Variants in TMEM63C observed in about 807,000 individuals in gnomAD.
TMEM63C encodes the protein osmosensitive cation channel TMEM63C.
A neutral mutation model predicts 99.2 loss-of-function variants in TMEM63C; 32 were observed. The observed-to-expected ratio is 0.32, with a 90% confidence interval of 0.24 to 0.43. The LOEUF (loss-of-function observed/expected upper bound fraction) is 0.43, where lower values mean the gene tolerates loss of function less well. TMEM63C is among the 20% of genes least tolerant of loss of function. The pLI, the probability that TMEM63C is intolerant of heterozygous loss-of-function variation, is 1.00. For synonymous variants in TMEM63C, 376 were observed against 397.9 expected (o/e 0.94, Z 0.66); for missense variants, 826 against 1,053.0 (o/e 0.78, Z 2.98).
At chr14:77,202,305 C>CACACACACACACACACACAA (rs1283633748) in intron 1 of TMEM63C, among the ~76,000 whole-genome samples, 4 of 151,932 alleles carry the variant, frequency 2.6e-5, no homozygotes, top group African/African-American at 9.7e-5. Context: ...CACACACACA[C>CACACACACACACACACACAA]ACACACAAAC....
intron 4 of TMEM63C, 23 bp from the exon 5 acceptor site, chr14:77,219,983 C>T: frequency 1.3e-6 from 2 of 1,552,378 alleles, no homozygotes; most frequent in South Asian, 2.4e-5. Context: ...TTCTTACCTC[C>T]CTGCCCCTTC....
intron 9 of TMEM63C, among the ~76,000 whole-genome samples, chr14:77,237,121 C>T (rs1889076434): frequency 6.6e-6 from 1 of 152,078 alleles, no homozygotes; most frequent in Non-Finnish European, 1.5e-5. Context: ...ACCTCCTATC[C>T]CTGCCCCTCT....
chr14:77,201,254 C>A (rs930942741), intron 1 of TMEM63C: 1 of 152,220 alleles, frequency 6.6e-6, no homozygotes. Context: ...GCTATGCGGT[C>A]TTGTTATGGT....
rs374004730 is a variant in TMEM63C, at chr14:77,244,334, C to T, written c.1342-15C>T. 3.8e-6 allele frequency: 6 copies of T among 1,598,810 alleles called. No individual in the cohort carries two copies. The highest frequency in any genetic ancestry group is 5.1e-6 in the Non-Finnish European group (6 of 1,166,588). On this transcript the variant is annotated splice_polypyrimidine_tract_variant and intron_variant, in intron 15 of 23. Coordinates refer to ENST00000298351, the MANE Select transcript of TMEM63C (RefSeq NM_020431.4). ...ATTGACGTCTCTCCTGCCGTCCTCC[C>T]CTCTCCCCCTGCAGAACCCAATTGT...
At chr14:77,199,360 A>G (rs1888259839) in intron 1 of TMEM63C, among the ~76,000 whole-genome samples, 1 of 152,138 alleles carries the variant, frequency 6.6e-6, no homozygotes, top group Non-Finnish European at 1.5e-5. Flanking sequence ...CACTGCCTAC[A>G]CAGTCAAGTG....
chr14:77,199,646 C>T (rs1054201781), intron 1 of TMEM63C, among the ~76,000 whole-genome samples: 4 of 152,316 alleles, frequency 2.6e-5, no homozygotes, highest in South Asian at 4.1e-4. Context: ...CTGAGCCCCA[C>T]AGCTTGGCTT....
intron 5 of TMEM63C, among the ~76,000 whole-genome samples, chr14:77,221,983 A>G (rs895882868): frequency 1.3e-5 from 2 of 151,776 alleles, no homozygotes; most frequent in Non-Finnish European, 2.9e-5. Flanking sequence ...AGTCCCCCCA[A>G]CCAGCTGATC....
Position 77,197,473 on chromosome 14 carries a change from C to T in TMEM63C, c.-77+15579C>T, listed in dbSNP as rs566725643. On this transcript the variant is annotated intron_variant, in intron 1 of 23. Transcript: ENST00000298351. Reference sequence around the variant, plus strand: ...ACAACCCAGCTCAACCACCTACTGGCCTTGTTATCTCTATGAACTTCTGTC... The same window carrying T: ...ACAACCCAGCTCAACCACCTACTGGTCTTGTTATCTCTATGAACTTCTGTC... Among the ~76,000 whole-genome samples the T allele has an allele frequency of 3.7e-4, 57 of 152,348 alleles. 1 individual carries two copies. The South Asian group carries it at 0.012, about 32-fold the overall frequency.
At chr14:77,242,504 C>A in intron 14 of TMEM63C, 35 bp downstream of exon 14, 1 of 1,608,702 alleles carries the variant, frequency 6.2e-7, no homozygotes, top group Non-Finnish European at 8.5e-7. Flanking sequence ...CTCCTCTGAG[C>A]TCCTCTGAGA....
intron 15 of TMEM63C, 60 bp downstream of exon 15, chr14:77,243,116 C>A: frequency 1.9e-6 from 3 of 1,590,166 alleles, no homozygotes; most frequent in South Asian, 2.3e-5. Flanking sequence ...ATAATTCAGG[C>A]GAGGATGGGA....
At chr14:77,182,639 T>TC (rs35819759) in intron 1 of TMEM63C, among the ~76,000 whole-genome samples, 2 of 151,746 alleles carry the variant, frequency 1.3e-5, no homozygotes, top group African/African-American at 4.8e-5. Flanking sequence ...CCCCAGGACC[T>TC]CCCCCCACCC....
chr14:77,240,353 G>A lies in TMEM63C; in HGVS notation c.931-122G>A. The A allele has an allele frequency of 4.2e-6, 5 of 1,189,024 alleles. No homozygotes were observed. In the South Asian group the frequency reaches 4.8e-5, roughly 11 times the overall value. 73.7% of individuals were successfully genotyped at this position (1,189,024 alleles called of 1,614,324 possible). ...ACTTTGGAGGCCAGCCAGGGTCCTGGGCTCCTTGAGGTGCTTCAAGGCCAC... is the reference window on the plus strand; with the variant it reads ...ACTTTGGAGGCCAGCCAGGGTCCTGAGCTCCTTGAGGTGCTTCAAGGCCAC... On this transcript the variant is annotated intron_variant, in intron 12 of 23. Coordinates refer to ENST00000298351, the MANE Select transcript of TMEM63C (RefSeq NM_020431.4).
In TMEM63C at chr14:77,248,196, GAA is replaced by G. The variant is rs774443964; in HGVS notation, c.1602-149_1602-148del. 8.6e-5 allele frequency: 60 copies of G among 700,684 alleles called. 1 individual carries two copies. Among genetic ancestry groups the G allele is most frequent in the Non-Finnish European group, 1.1e-4 (47 of 425,154 alleles). The allele number at this position is 700,684 out of a possible 1,614,324, so 43.4% of individuals were successfully genotyped here. The stretch of plus-strand genomic sequence containing the variant: ...ATTATAGGAGAGAGACAGAGAAAAA[GAA>G]AGAGAGGAAATGTTATTCTCCTTGT... On this transcript the variant is annotated intron_variant, in intron 18 of 23. Coordinates refer to ENST00000298351, the MANE Select transcript of TMEM63C (RefSeq NM_020431.4).
Position 77,239,427 on chromosome 14 carries a change from C to G in TMEM63C, c.741C>G (p.Gly247=). The G allele has an allele frequency of 6.2e-7, 1 of 1,613,664 alleles. No individual in the cohort carries two copies. The highest frequency in any genetic ancestry group is 8.5e-7 in the Non-Finnish European group (1 of 1,179,878). The change falls in exon 11 of 24, where the codon GGC becomes GGG. Residue 247 remains glycine, a synonymous_variant. Coordinates refer to ENST00000298351, the MANE Select transcript of TMEM63C (RefSeq NM_020431.4). ...GTGGCTGCAGCGAGGCCTATCCAGG[C>G]AGTGTCGTGACAAGAGTCCACTTCT... ...IIKHFHEAYP[G]SVVTRVHFCY... is the part of the protein sequence containing the mutation.
At chr14:77,240,359 T>C in intron 12 of TMEM63C, 116 bp from the exon 13 acceptor site, 1 of 1,286,272 alleles carries the variant, frequency 7.8e-7, no homozygotes, top group Non-Finnish European at 1.0e-6. Context: ...CCTGGGCTCC[T>C]TGAGGTGCTT....
chr14:77,240,189 G>A (rs1041430011), intron 12 of TMEM63C, among the ~76,000 whole-genome samples: 10 of 152,192 alleles, frequency 6.6e-5, no homozygotes, highest in Non-Finnish European at 1.0e-4. Context: ...GTGGAAATGC[G>A]GCAAACACAT....
chr14:77,216,472 G>C (rs1345792634), intron 2 of TMEM63C, among the ~76,000 whole-genome samples: 1 of 152,132 alleles, frequency 6.6e-6, no homozygotes, highest in Non-Finnish European at 1.5e-5. Flanking sequence ...CTGAACTGCA[G>C]ACTAACCTAT....
chr14:77,257,272 A>G lies in TMEM63C; in HGVS notation c.*546A>G, dbSNP rs1889482109. The G allele has an allele frequency of 6.5e-6, 1 of 154,038 alleles. No homozygotes were observed. Among genetic ancestry groups the G allele is most frequent in the Non-Finnish European group, 1.4e-5 (1 of 69,366 alleles). The allele number at this position is 154,038 out of a possible 1,614,324, so 9.5% of individuals were successfully genotyped here. On this transcript the variant is annotated 3_prime_UTR_variant, in exon 24 of 24. Coordinates refer to ENST00000298351, the MANE Select transcript of TMEM63C (RefSeq NM_020431.4). ...GGGTTCCCTGCATGGGGATCTGTAA[A>G]GAGAAAGTTTCTGCACCCACCAGAG...
intron 1 of TMEM63C, among the ~76,000 whole-genome samples, chr14:77,191,565 A>G (rs548540771): frequency 9.4e-5 from 6 of 64,138 alleles, no homozygotes; most frequent in African/African-American, 3.3e-4. Context: ...TTTTTTTGAG[A>G]CAGAGTTTCG....
Sources: gnomAD v4.1 joint callset for allele counts (sites outside exome capture counted in the v4.1 genomes callset) on GRCh38, gnomAD v4.1.1 for gene constraint, MANE v1.5 for transcripts, NCBI Gene and HGNC (gene_info 2026-07-23, HGNC 2026-07-21) for gene names.